Variants in KALRN observed in about 807,000 individuals in gnomAD.
The protein encoded by KALRN is kalirin RhoGEF kinase.
KALRN carries 70 observed loss-of-function variants against 353.7 expected under a neutral mutation model. The ratio of observed to expected loss-of-function variants is 0.20; its 90% CI spans 0.16 to 0.24. The LOEUF (loss-of-function observed/expected upper bound fraction) is 0.24. Ranked by LOEUF, KALRN falls within the 10% of genes least tolerant of loss-of-function variation. The pLI is 1.00. For missense variants in KALRN, 2,791 were observed against 3,756.7 expected (o/e 0.74, Z 6.72); for synonymous variants, 1,391 against 1,434.8 (o/e 0.97, Z 0.69).
At position 124,415,522 on chromosome 3, in the gene KALRN, C is replaced by T. The variant is rs188222118; in HGVS notation, c.2542+1857C>T. ...AATCCCATAACATACATGTTTGCTG[C>T]GGTTCCTTTGCAGTTGCTATAGGCA... On this transcript the variant is annotated intron_variant, in intron 14 of 59. Coordinates refer to ENST00000682506, the MANE Select transcript of KALRN (RefSeq NM_001388419.1). Among the ~76,000 whole-genome samples the T allele has an allele frequency of 2.0e-3, 311 of 152,320 alleles. 2 individuals carry two copies. The highest frequency in any genetic ancestry group is 7.0e-3 in the African/African-American group (290 of 41,566).
chr3:124,706,860 G>A (rs1290832641), intron 57 of KALRN, among the ~76,000 whole-genome samples: 3 of 151,616 alleles, frequency 2.0e-5, no homozygotes, highest in Non-Finnish European at 2.9e-5. Flanking sequence ...GTGAGCCACC[G>A]TGCCCTGCCA....
chr3:124,621,338 A>G (rs2079247452), intron 34 of KALRN, among the ~76,000 whole-genome samples: 1 of 152,222 alleles, frequency 6.6e-6, no homozygotes, highest in African/African-American at 2.4e-5. Context: ...AGTTGTACAG[A>G]ATTTATAAAA....
chr3:124,466,034 CTGTGTGTGTGTGTGTGTGTGTGTGTGTG>C (rs10639598), intron 25 of KALRN, among the ~76,000 whole-genome samples: 1 of 147,352 alleles, frequency 6.8e-6, no homozygotes, highest in East Asian at 2.0e-4. Flanking sequence ...CTCTCTTGCT[CTGTGTGTGTGTGTGTGTGTGTGTGTGTG>C]TGTGTGTGTG....
chr3:124,300,631 G>T (rs905236274), intron 6 of KALRN, among the ~76,000 whole-genome samples: 3 of 152,220 alleles, frequency 2.0e-5, no homozygotes, highest in Non-Finnish European at 2.9e-5. Flanking sequence ...GGGACATTGT[G>T]CAGTCCTATC....
chr3:124,504,998 A>G (rs753026197), intron 33 of KALRN: 1 of 481,774 alleles, frequency 2.1e-6, no homozygotes, highest in African/African-American at 2.0e-5. Context: ...AAGAAGGGAG[A>G]TGGCATGGTT....
intron 1 of KALRN, among the ~76,000 whole-genome samples, chr3:124,078,316 T>G (rs2060363280): frequency 6.6e-6 from 1 of 152,240 alleles, no homozygotes; most frequent in African/African-American, 2.4e-5. Flanking sequence ...GTTTGTGGAA[T>G]GGATATTTAC....
intron 5 of KALRN, among the ~76,000 whole-genome samples, chr3:124,280,033 C>A (rs2075183681): frequency 6.6e-6 from 1 of 152,104 alleles, no homozygotes; most frequent in African/African-American, 2.4e-5. Context: ...TGTGGGTTAC[C>A]AGGAGTCAGA....
At chr3:124,556,270 T>C (rs1224248334) in intron 33 of KALRN, among the ~76,000 whole-genome samples, 1 of 152,202 alleles carries the variant, frequency 6.6e-6, no homozygotes, top group Non-Finnish European at 1.5e-5. Flanking sequence ...CAAGCAAAGA[T>C]AAAGTAAATT....
At chr3:124,393,118 A>G (rs1399494973) in intron 11 of KALRN, among the ~76,000 whole-genome samples, 1 of 152,094 alleles carries the variant, frequency 6.6e-6, no homozygotes, top group Non-Finnish European at 1.5e-5. Flanking sequence ...GGCACCTGCC[A>G]CCATGCCTGG....
At chr3:124,388,065 T>C (rs1169703772) in intron 11 of KALRN, among the ~76,000 whole-genome samples, 1 of 152,140 alleles carries the variant, frequency 6.6e-6, no homozygotes, top group Non-Finnish European at 1.5e-5. Flanking sequence ...TACACACACA[T>C]GCAAATGTTC....
intron 28 of KALRN, 121 bp downstream of exon 28, chr3:124,483,021 G>T: frequency 1.4e-6 from 1 of 721,608 alleles, no homozygotes; most frequent in Non-Finnish European, 2.5e-6. Flanking sequence ...ACCTAGGGCA[G>T]AACTTCAGCC....
At position 124,719,536 on chromosome 3, in the gene KALRN, C is replaced by T. The variant is rs982456144; in HGVS notation, c.*66C>T. The stretch of plus-strand genomic sequence containing the variant: ...TGAACCAAAGCAAGACTGAATGTGA[C>T]TGTAAATAATTCTGTTCATCATTTC... On this transcript the variant is annotated 3_prime_UTR_variant, in exon 60 of 60. Coordinates refer to ENST00000682506, the MANE Select transcript of KALRN (RefSeq NM_001388419.1). The surrounding 1 kb of genome is among the most constrained non-coding windows in gnomAD (Gnocchi z 5.3). The T allele has an allele frequency of 7.1e-7, 1 of 1,409,878 alleles. No homozygotes were observed. Among genetic ancestry groups the T allele is most frequent in the Non-Finnish European group, 9.8e-7 (1 of 1,025,414 alleles). 87.3% of individuals were successfully genotyped at this position (1,409,878 alleles called of 1,614,324 possible). A position where few individuals can be genotyped will look rare whatever the true frequency, so the allele number is the denominator to read the frequency against.
chr3:124,519,340 G>A, intron 33 of KALRN: 1 of 985,372 alleles, frequency 1.0e-6, no homozygotes, highest in Non-Finnish European at 1.2e-6. Flanking sequence ...AGTTTTAAAA[G>A]TCCTCCAGTT....
chr3:124,227,769 A>G (rs980365256), intron 1 of KALRN, among the ~76,000 whole-genome samples: 7 of 135,280 alleles, frequency 5.2e-5, no homozygotes, highest in African/African-American at 2.0e-4. Context: ...CTCCTTGAGA[A>G]GGACTAGGGG....
At chr3:124,152,805 C>T (rs543965258) in intron 1 of KALRN, 9 of 274,412 alleles carry the variant, frequency 3.3e-5, no homozygotes, top group Admixed American at 2.5e-4. Context: ...TTCATTGAGA[C>T]GGGGTTTCAC....
intron 32 of KALRN, among the ~76,000 whole-genome samples, chr3:124,495,989 A>ATATG (rs2063753657): frequency 1.9e-5 from 1 of 53,744 alleles, no homozygotes; most frequent in African/African-American, 1.1e-4. Context: ...ATATATATAT[A>ATATG]TATATATATA....
chr3:124,340,718 G>T (rs1029034207), intron 9 of KALRN, among the ~76,000 whole-genome samples: 2 of 152,142 alleles, frequency 1.3e-5, no homozygotes, highest in Non-Finnish European at 2.9e-5. Flanking sequence ...ACTTTGGGAG[G>T]CAAAGGCAGG....
chr3:124,570,772 A>G (rs1314692765), intron 34 of KALRN, among the ~76,000 whole-genome samples: 1 of 152,222 alleles, frequency 6.6e-6, no homozygotes, highest in Non-Finnish European at 1.5e-5. Context: ...AACTGGATAA[A>G]ACCGGTTCTT....
At chr3:124,485,925 G>A (rs1378950061) in intron 28 of KALRN, among the ~76,000 whole-genome samples, 2 of 152,136 alleles carry the variant, frequency 1.3e-5, no homozygotes, top group African/African-American at 2.4e-5. Context: ...ATGTTCTGGT[G>A]GCACAGTGCC....
Sources: gnomAD v4.1 joint callset for allele counts (sites outside exome capture counted in the v4.1 genomes callset) on GRCh38, gnomAD v4.1.1 for gene constraint, Gnocchi (gnomAD v3.1) non-coding constraint, MANE v1.5 for transcripts, NCBI Gene and HGNC (gene_info 2026-07-23, HGNC 2026-07-21) for gene names.